Variants in RABGAP1L observed in about 807,000 individuals in gnomAD.
The protein encoded by RABGAP1L is RAB GTPase activating protein 1 like, also known as rab GTPase-activating protein 1-like.
RABGAP1L carries 63 observed loss-of-function variants against 137.7 expected under a neutral mutation model. The ratio of observed to expected loss-of-function variants is 0.46; its 90% CI spans 0.37 to 0.56. The LOEUF (loss-of-function observed/expected upper bound fraction) is 0.56. Among genes scored for constraint, RABGAP1L ranks in the 20% least tolerant of loss-of-function variants. RABGAP1L has a pLI of 0.00. For synonymous variants in RABGAP1L, 431 were observed against 433.7 expected (o/e 0.99, Z 0.08); for missense variants, 1,095 against 1,244.0 (o/e 0.88, Z 1.80).
At chr1:174,517,628 A>G (rs1662985146) in intron 13 of RABGAP1L, among the ~76,000 whole-genome samples, 1 of 152,184 alleles carries the variant, frequency 6.6e-6, no homozygotes, top group Non-Finnish European at 1.5e-5. Flanking sequence ...AATCAACTAT[A>G]GCTATTGAAT....
chr1:174,192,526 T>A (rs1667284593), intron 1 of RABGAP1L, among the ~76,000 whole-genome samples: 1 of 152,122 alleles, frequency 6.6e-6, no homozygotes, highest in Non-Finnish European at 1.5e-5. Context: ...TTTTACCATC[T>A]TGCCAGACTG....
intron 11 of RABGAP1L, among the ~76,000 whole-genome samples, chr1:174,338,624 T>G (rs2148885390): frequency 6.6e-6 from 1 of 152,072 alleles, no homozygotes; most frequent in East Asian, 1.9e-4. Context: ...TGGGAATGAT[T>G]TCTATTATAT....
intron 13 of RABGAP1L, among the ~76,000 whole-genome samples, chr1:174,438,104 A>T (rs976528771): frequency 6.6e-6 from 1 of 152,208 alleles, no homozygotes; most frequent in African/African-American, 2.4e-5. Flanking sequence ...GGTACCAGCC[A>T]CTGCAAAAAC....
At chr1:174,906,795 A>T (rs1196764953) in intron 19 of RABGAP1L, among the ~76,000 whole-genome samples, 1 of 152,048 alleles carries the variant, frequency 6.6e-6, no homozygotes, top group African/African-American at 2.4e-5. Context: ...AGAGAAAAGA[A>T]GTAAATAACA....
chr1:174,815,212 G>A (rs1280371213), intron 19 of RABGAP1L, among the ~76,000 whole-genome samples: 3 of 152,166 alleles, frequency 2.0e-5, no homozygotes, highest in Non-Finnish European at 4.4e-5. Flanking sequence ...ATGAATAATG[G>A]AAGTGCATGT....
intron 1 of RABGAP1L, among the ~76,000 whole-genome samples, chr1:174,172,214 G>GTA (rs1665470404): frequency 2.1e-5 from 3 of 139,808 alleles, no homozygotes; most frequent in African/African-American, 8.5e-5. Context: ...GTGTGTGTGT[G>GTA]TGTATATATG....
intron 17 of RABGAP1L, among the ~76,000 whole-genome samples, chr1:174,716,001 G>A (rs1680971985): frequency 6.6e-6 from 1 of 152,064 alleles, no homozygotes; most frequent in Non-Finnish European, 1.5e-5. Flanking sequence ...GTATAAAATG[G>A]CATAATATTT....
intron 13 of RABGAP1L, among the ~76,000 whole-genome samples, chr1:174,563,854 A>G (rs1164560580): frequency 6.6e-6 from 1 of 152,214 alleles, no homozygotes; most frequent in Non-Finnish European, 1.5e-5. Context: ...TACCCAGGCT[A>G]CACATTTAAC....
At chr1:174,711,136 G>C (rs754394021) in intron 17 of RABGAP1L, among the ~76,000 whole-genome samples, 1 of 152,142 alleles carries the variant, frequency 6.6e-6, no homozygotes, top group African/African-American at 2.4e-5. Context: ...CTGTGAGTGC[G>C]GGGCCTGCCG....
At chr1:174,602,253 C>T (rs1670469879) in intron 13 of RABGAP1L, among the ~76,000 whole-genome samples, 1 of 152,230 alleles carries the variant, frequency 6.6e-6, no homozygotes, top group African/African-American at 2.4e-5. Flanking sequence ...TACAGTTCCA[C>T]ATTGCTGAGA....
intron 19 of RABGAP1L, among the ~76,000 whole-genome samples, chr1:174,931,383 T>A (rs2149260406): frequency 6.6e-6 from 1 of 152,314 alleles, no homozygotes; most frequent in South Asian, 2.1e-4. Context: ...TTCCAATAGA[T>A]AATGCTTTGT....
At chr1:174,810,998 A>C (rs1689817321) in intron 18 of RABGAP1L, among the ~76,000 whole-genome samples, 1 of 151,796 alleles carries the variant, frequency 6.6e-6, no homozygotes, top group African/African-American at 2.4e-5. Flanking sequence ...TCTACTCAGG[A>C]GGCTGAGGCG....
chr1:174,943,288 T>C lies in RABGAP1L; in HGVS notation c.2341-14169T>C, dbSNP rs184727788. ...TTTGTGTTCAATTTTTATCTTGCAC[T>C]GAGCCTGCAAATTATGTAGCCGGTC... On this transcript the variant is annotated intron_variant, in intron 19 of 25. Coordinates refer to ENST00000681986, the MANE Select transcript of RABGAP1L (RefSeq NM_001366446.1). Among the ~76,000 whole-genome samples, 208 of 152,364 alleles carry C rather than the reference T, an allele frequency of 1.4e-3. 1 individual carries two copies. Among genetic ancestry groups the C allele is most frequent in the Non-Finnish European group, 8.1e-4 (55 of 68,044 alleles).
Position 174,448,516 on chromosome 1 carries a change from C to A in RABGAP1L, c.1710+54371C>A, listed in dbSNP as rs76949857. On this transcript the variant is annotated intron_variant, in intron 13 of 25. Transcript: ENST00000681986. The surrounding 1 kb of genome is among the most constrained non-coding windows in gnomAD (Gnocchi z 4.2). ...TTTCTATGGCATGTCTTGCTTGCATCAGTGTGGATCGTTATCTTGCAATAA... is the reference window on the plus strand; with the variant it reads ...TTTCTATGGCATGTCTTGCTTGCATAAGTGTGGATCGTTATCTTGCAATAA... The A allele has an allele frequency of 5.5e-4, 886 of 1,612,688 alleles. 4 individuals carry two copies. In the African/African-American group the frequency reaches 0.011, roughly 19 times the overall value.
chr1:174,891,460 A>G (rs1656125777), intron 19 of RABGAP1L, among the ~76,000 whole-genome samples: 2 of 152,124 alleles, frequency 1.3e-5, no homozygotes, highest in South Asian at 4.1e-4. Flanking sequence ...ATTTAAATTG[A>G]AGTTTGCCAA....
intron 12 of RABGAP1L, among the ~76,000 whole-genome samples, chr1:174,388,224 CT>C (rs1686961295): frequency 6.6e-6 from 1 of 151,948 alleles, no homozygotes; most frequent in Admixed American, 6.6e-5. Context: ...AGATTTTGAA[CT>C]TACTCTTAAA....
intron 1 of RABGAP1L, among the ~76,000 whole-genome samples, chr1:174,214,174 C>G (rs913630951): frequency 6.6e-6 from 1 of 152,116 alleles, no homozygotes; most frequent in African/African-American, 2.4e-5. Context: ...ATATAAAAAT[C>G]AGTAGCATTT....
At chr1:174,958,748 T>A (rs755557905) in intron 20 of RABGAP1L, among the ~76,000 whole-genome samples, 2 of 152,216 alleles carry the variant, frequency 1.3e-5, no homozygotes, top group African/African-American at 4.8e-5. Flanking sequence ...AGACCTGAAC[T>A]CAAATCTTGC....
At chr1:174,796,615 G>A (rs1688257074) in intron 18 of RABGAP1L, among the ~76,000 whole-genome samples, 1 of 152,160 alleles carries the variant, frequency 6.6e-6, no homozygotes, top group Non-Finnish European at 1.5e-5. Flanking sequence ...GATTTTTGAT[G>A]GGGAAACTGA....
Sources: allele counts gnomAD v4.1 joint callset (sites outside exome capture counted in the v4.1 genomes callset), GRCh38; gene constraint gnomAD v4.1.1; non-coding constraint Gnocchi (gnomAD v3.1); transcripts MANE v1.5; gene names NCBI Gene and HGNC (gene_info 2026-07-23, HGNC 2026-07-21).